The following NCAM2 variants were observed in gnomAD, a reference collection of about 807,000 sequenced individuals.
NCAM2 encodes N-CAM-2.
In NCAM2, 30 loss-of-function variants were observed where a neutral mutation model predicts 98.1. The observed-to-expected ratio is 0.31, with a 90% CI of 0.23 to 0.41. NCAM2 has a LOEUF of 0.41. Ranked by LOEUF, NCAM2 falls within the 10% of genes least tolerant of loss-of-function variation. The pLI is 1.00. For missense variants in NCAM2, 867 were observed against 1,005.8 expected, an observed-to-expected ratio of 0.86 and a Z score of 1.87; for synonymous variants, 368 against 342.4, an observed-to-expected ratio of 1.07 and a Z score of -0.83.
intron 1 of NCAM2, among the ~76,000 whole-genome samples, chr21:21,114,694 G>T (rs968505518): frequency 1.1e-4 from 16 of 152,110 alleles, no homozygotes; most frequent in African/African-American, 3.9e-4. Flanking sequence ...GGGGCCCTGT[G>T]GGGAACAGAA....
chr21:21,060,451 GAT>G (rs2065298880), intron 1 of NCAM2, among the ~76,000 whole-genome samples: 2 of 152,006 alleles, frequency 1.3e-5, no homozygotes, highest in African/African-American at 4.8e-5. Flanking sequence ...AAAGTCTGTG[GAT>G]ATATGTTTAA....
At position 21,125,372 on chromosome 21, in the gene NCAM2, T is replaced by C. The variant is rs533950789; in HGVS notation, c.55+126754T>C. Among the ~76,000 whole-genome samples, 3 of 146,910 alleles carry C rather than the reference T, an allele frequency of 2.0e-5. No homozygotes were observed. The South Asian group carries it at 6.3e-4, about 31-fold the overall frequency. ...GGAGATAATATTTTACATATATATGTAATATATAATATTTTACATATATAT... is the reference window on the plus strand; with the variant it reads ...GGAGATAATATTTTACATATATATGCAATATATAATATTTTACATATATAT... On this transcript the variant is annotated intron_variant, in intron 1 of 17. Coordinates refer to ENST00000400546, the MANE Select transcript of NCAM2 (RefSeq NM_004540.5).
At chr21:21,249,113 T>G (rs1169713765) in intron 1 of NCAM2, among the ~76,000 whole-genome samples, 2 of 152,216 alleles carry the variant, frequency 1.3e-5, no homozygotes, top group African/African-American at 4.8e-5. Flanking sequence ...ATAATTACAC[T>G]GTTAACTAAT....
At chr21:21,258,587 A>G (rs4560217) in intron 1 of NCAM2, among the ~76,000 whole-genome samples, 276 of 152,212 alleles carry the variant, frequency 1.8e-3, no homozygotes, top group African/African-American at 6.6e-3. Flanking sequence ...ACCTAAGGAA[A>G]CACTGTCAGT....
intron 16 of NCAM2, among the ~76,000 whole-genome samples, chr21:21,516,657 A>G (rs1051528933): frequency 2.8e-4 from 42 of 151,856 alleles, no homozygotes; most frequent in African/African-American, 8.2e-4. Flanking sequence ...GAAGTCAACC[A>G]TCTGTATTTT....
intron 1 of NCAM2, among the ~76,000 whole-genome samples, chr21:21,179,188 A>G (rs1719994589): frequency 1.3e-5 from 2 of 152,170 alleles, no homozygotes; most frequent in South Asian, 4.1e-4. Context: ...TAATGAATGA[A>G]TGAATTTAAG....
chr21:21,149,028 T>C (rs1453224256), intron 1 of NCAM2, among the ~76,000 whole-genome samples: 1 of 152,146 alleles, frequency 6.6e-6, no homozygotes, highest in Admixed American at 6.6e-5. Flanking sequence ...AAAAATACTG[T>C]ATATATGTGG....
At chr21:21,177,755 C>T (rs1336861811) in intron 1 of NCAM2, among the ~76,000 whole-genome samples, 2 of 150,974 alleles carry the variant, frequency 1.3e-5, no homozygotes, top group African/African-American at 4.9e-5. Context: ...CCTTTCCCTT[C>T]CCCTCTCTTC....
chr21:21,182,423 C>T (rs2068508894), intron 1 of NCAM2, among the ~76,000 whole-genome samples: 1 of 152,118 alleles, frequency 6.6e-6, no homozygotes, highest in African/African-American at 2.4e-5. Flanking sequence ...TTACTATTTT[C>T]ACATTAAATC....
intron 2 of NCAM2, among the ~76,000 whole-genome samples, chr21:21,281,716 T>G (rs2072937011): frequency 6.6e-6 from 1 of 151,930 alleles, no homozygotes. Context: ...CTAAAATTAG[T>G]TGAGACTATT....
intron 1 of NCAM2, among the ~76,000 whole-genome samples, chr21:21,262,803 G>A (rs374853392): frequency 6.6e-6 from 1 of 152,028 alleles, no homozygotes; most frequent in African/African-American, 2.4e-5. Flanking sequence ...ACAGTTCCAC[G>A]TGGCTGGGGA....
rs575570986 is a variant in NCAM2, at chr21:21,423,179, T to G, written c.1480+4610T>G. ...TAATTGATGCAGGTTTCTGATAAAG[T>G]CACCTTCTCTTGGGCAATTTTATGG... On this transcript the variant is annotated intron_variant, in intron 11 of 17. Transcript: ENST00000400546. Among the ~76,000 whole-genome samples, 3 of 152,298 alleles carry G rather than the reference T, an allele frequency of 2.0e-5. No individual in the cohort carries two copies. The South Asian group carries it at 6.2e-4, about 32-fold the overall frequency.
intron 12 of NCAM2, among the ~76,000 whole-genome samples, chr21:21,452,765 G>A (rs111212994): frequency 0.085 from 6,628 of 77,630 alleles, 328 homozygotes; most frequent in African/African-American, 0.16. Context: ...ATTACTTTAT[G>A]TATTAAAATA....
intron 5 of NCAM2, among the ~76,000 whole-genome samples, chr21:21,304,857 A>G (rs1262212820): frequency 6.6e-6 from 1 of 152,164 alleles, no homozygotes; most frequent in Non-Finnish European, 1.5e-5. Flanking sequence ...TGGCAGATTT[A>G]TCTCTAATTA....
chr21:21,044,906 C>A (rs2064978744), intron 1 of NCAM2, among the ~76,000 whole-genome samples: 1 of 151,966 alleles, frequency 6.6e-6, no homozygotes, highest in African/African-American at 2.4e-5. Context: ...GAGACCCTGT[C>A]TTAAAATATG....
chr21:21,264,996 GTA>G (rs368208335), intron 1 of NCAM2, among the ~76,000 whole-genome samples: 2 of 28,404 alleles, frequency 7.0e-5, no homozygotes, highest in African/African-American at 2.0e-4. Flanking sequence ...ATGTGTATGT[GTA>G]TATATACACA....
chr21:21,530,989 A>G (rs1369816549), intron 16 of NCAM2, among the ~76,000 whole-genome samples: 1 of 152,108 alleles, frequency 6.6e-6, no homozygotes, highest in Non-Finnish European at 1.5e-5. Context: ...ATTTTTTGAC[A>G]ATCTGGTAAG....
At chr21:21,465,923 AG>A (rs1484854357) in intron 12 of NCAM2, among the ~76,000 whole-genome samples, 1 of 152,096 alleles carries the variant, frequency 6.6e-6, no homozygotes, top group Non-Finnish European at 1.5e-5. Flanking sequence ...TCAAATAACA[AG>A]GGTTGACATG....
chr21:21,398,423 A>T (rs2076561118), intron 9 of NCAM2, among the ~76,000 whole-genome samples: 1 of 152,218 alleles, frequency 6.6e-6, no homozygotes, highest in South Asian at 2.1e-4. Context: ...ATAAAAAATT[A>T]AAATTAAAAA....
Sources: gnomAD v4.1 joint callset for allele counts (sites outside exome capture counted in the v4.1 genomes callset) on GRCh38, gnomAD v4.1.1 for gene constraint, MANE v1.5 for transcripts, NCBI Gene and HGNC (gene_info 2026-07-23, HGNC 2026-07-21) for gene names.